NTRK2: variants seen among roughly 807,000 people sequenced by gnomAD.
NTRK2 encodes the protein BDNF/NT-3 growth factors receptor.
A neutral mutation model predicts 94.5 loss-of-function variants in NTRK2; 13 were observed. That is an observed-to-expected ratio of 0.14 (90% CI 0.09 to 0.22). The LOEUF (loss-of-function observed/expected upper bound fraction) is 0.22. NTRK2 is among the 10% of genes least tolerant of loss of function. NTRK2 has a pLI of 1.00. For missense variants in NTRK2, 639 were observed against 1,071.2 expected, an observed-to-expected ratio of 0.60 and a Z score of 5.63; for synonymous variants, 372 against 407.4, an observed-to-expected ratio of 0.91 and a Z score of 1.05.
At chr9:84,844,833 A>G (rs2074384302) in intron 12 of NTRK2, among the ~76,000 whole-genome samples, 1 of 152,092 alleles carries the variant, frequency 6.6e-6, no homozygotes, top group African/African-American at 2.4e-5. Flanking sequence ...GAGGAAGAGT[A>G]AATACTAAAG....
intron 12 of NTRK2, among the ~76,000 whole-genome samples, chr9:84,850,213 A>G (rs1019369789): frequency 4.6e-5 from 7 of 152,038 alleles, no homozygotes; most frequent in Non-Finnish European, 5.9e-5. Flanking sequence ...GGTGGGGAAA[A>G]AAAAAACAAA....
At chr9:84,985,913 G>A (rs1828234653) in intron 17 of NTRK2, among the ~76,000 whole-genome samples, 1 of 152,190 alleles carries the variant, frequency 6.6e-6, no homozygotes. Context: ...AGGAAATGAG[G>A]AGAGGGTGTG....
intron 15 of NTRK2, among the ~76,000 whole-genome samples, chr9:84,944,538 C>G (rs2078530516): frequency 6.6e-6 from 1 of 152,228 alleles, no homozygotes; most frequent in Non-Finnish European, 1.5e-5. Context: ...AGTACCTTTT[C>G]CAACTCACTG....
chr9:84,858,827 T>G (rs1364824433), intron 12 of NTRK2, among the ~76,000 whole-genome samples: 1 of 152,180 alleles, frequency 6.6e-6, no homozygotes, highest in East Asian at 1.9e-4. Flanking sequence ...TAAAATTCAG[T>G]TAATTTTGGT....
At chr9:84,675,297 T>TTC (rs1177708455) in intron 2 of NTRK2, among the ~76,000 whole-genome samples, 2 of 150,938 alleles carry the variant, frequency 1.3e-5, no homozygotes, top group Non-Finnish European at 3.0e-5. Context: ...TGAATTTCTT[T>TTC]TCTCTTCTCC....
chr9:84,713,662 A>G (rs2061541703), intron 6 of NTRK2, among the ~76,000 whole-genome samples: 1 of 152,074 alleles, frequency 6.6e-6, no homozygotes, highest in African/African-American at 2.4e-5. Flanking sequence ...TCTCAGTGGA[A>G]TTTGCTGAGT....
At chr9:84,872,039 T>G in intron 14 of NTRK2, 1 of 1,440,750 alleles carries the variant, frequency 6.9e-7, no homozygotes, top group South Asian at 1.4e-5. Flanking sequence ...CTATGCCACT[T>G]TAACTATAGA....
At chr9:85,006,500 T>C (rs1325637700) in intron 17 of NTRK2, among the ~76,000 whole-genome samples, 1 of 149,936 alleles carries the variant, frequency 6.7e-6, no homozygotes, top group Non-Finnish European at 1.5e-5. Flanking sequence ...CTCCTCACCC[T>C]GGGGAAATTC....
rs573551564 is a variant in NTRK2, at chr9:84,972,841, T to C, written c.2172+17324T>C. Among the ~76,000 whole-genome samples, 6 of 152,362 alleles carry C rather than the reference T, an allele frequency of 3.9e-5. No individual in the cohort carries two copies. In the South Asian group the frequency reaches 1.0e-3, roughly 26 times the overall value. On this transcript the variant is annotated intron_variant, in intron 17 of 18. Coordinates refer to ENST00000277120, the MANE Select transcript of NTRK2 (RefSeq NM_006180.6). Reference sequence around the variant, plus strand: ...AAATAAGCAATCATATTCTCATTTCTATACATTTATTTTAGCCCCCAAAAA... The same window carrying C: ...AAATAAGCAATCATATTCTCATTTCCATACATTTATTTTAGCCCCCAAAAA...
chr9:84,697,745 ATGCGG>A (rs2060474498), intron 2 of NTRK2, among the ~76,000 whole-genome samples: 2 of 152,186 alleles, frequency 1.3e-5, no homozygotes. Context: ...TTCTGTTTCC[ATGCGG>A]AGGCTGTGGA....
intron 12 of NTRK2, among the ~76,000 whole-genome samples, chr9:84,782,377 C>T (rs1443913415): frequency 6.6e-6 from 1 of 152,158 alleles, no homozygotes; most frequent in East Asian, 1.9e-4. Flanking sequence ...GCTGTATCCC[C>T]TCTATAGGAA....
In NTRK2 at chr9:85,022,919, C is replaced by G; in HGVS notation, c.*1482C>G. The G allele has an allele frequency of 4.3e-6, 1 of 233,248 alleles. No individual in the cohort carries two copies. The highest frequency in any genetic ancestry group is 8.5e-6 in the Non-Finnish European group (1 of 118,050). 14.4% of individuals were successfully genotyped at this position (233,248 alleles called of 1,614,324 possible). On this transcript the variant is annotated 3_prime_UTR_variant, in exon 19 of 19. Coordinates refer to ENST00000277120, the MANE Select transcript of NTRK2 (RefSeq NM_006180.6). ...AACCTCACCCTGAGGGCATCACATGCACTCATGTTCAGTGTACACAGGTCA... is the reference window on the plus strand; with the variant it reads ...AACCTCACCCTGAGGGCATCACATGGACTCATGTTCAGTGTACACAGGTCA...
At chr9:84,854,499 T>TA (rs1322744181) in intron 12 of NTRK2, among the ~76,000 whole-genome samples, 4 of 151,894 alleles carry the variant, frequency 2.6e-5, no homozygotes, top group Admixed American at 6.6e-5. Context: ...AACAAATCAA[T>TA]AAAAAAGGTC....
chr9:84,806,810 A>C (rs998645772), intron 12 of NTRK2, among the ~76,000 whole-genome samples: 14 of 152,266 alleles, frequency 9.2e-5, no homozygotes, highest in Admixed American at 7.9e-4. Flanking sequence ...TCACTTTGTG[A>C]TGGAAAGTTT....
At chr9:84,679,989 C>T (rs747072082) in intron 2 of NTRK2, among the ~76,000 whole-genome samples, 4 of 152,110 alleles carry the variant, frequency 2.6e-5, no homozygotes, top group Non-Finnish European at 5.9e-5. Context: ...GAGGCTCTGG[C>T]AAGTTTTCTA....
intron 14 of NTRK2, among the ~76,000 whole-genome samples, chr9:84,926,169 C>CTTGCTTGCTTTCTTT: frequency 2.6e-5 from 1 of 38,566 alleles, no homozygotes; most frequent in African/African-American, 9.2e-5. Context: ...TTCCTTCCTT[C>CTTGCTTGCTTTCTTT]CTTTCTTTCT....
At chr9:84,729,586 T>C (rs1297330110) in intron 9 of NTRK2, among the ~76,000 whole-genome samples, 1 of 152,240 alleles carries the variant, frequency 6.6e-6, no homozygotes, top group Non-Finnish European at 1.5e-5. Context: ...AAAGATAGTA[T>C]AGAGCGTTCA....
chr9:84,726,467 G>A (rs7868341), intron 8 of NTRK2, among the ~76,000 whole-genome samples: 11,533 of 152,174 alleles, frequency 0.076, 1,420 homozygotes, highest in African/African-American at 0.26. Context: ...AGCCTGGGTG[G>A]CAGAGTGAGA....
In NTRK2 at chr9:85,020,296, C is replaced by T; in HGVS notation, c.2263C>T (p.Leu755=). ...CACGACGGAAAGCGACGTCTGGAGC[C>T]TGGGGGTCGTGTTGTGGGAGATTTT... ...KFTTESDVWS[L]GVVLWEIFTY... is the part of the protein sequence containing the mutation. The change falls in exon 18 of 19, where the codon CTG becomes TTG. Residue 755 remains leucine, a synonymous_variant. Transcript: ENST00000277120. 2 of 1,614,116 alleles carry T rather than the reference C, an allele frequency of 1.2e-6. No homozygotes were observed. Among genetic ancestry groups the T allele is most frequent in the Non-Finnish European group, 1.7e-6 (2 of 1,180,010 alleles).
Sources: allele counts gnomAD v4.1 joint callset (sites outside exome capture counted in the v4.1 genomes callset), GRCh38; gene constraint gnomAD v4.1.1; transcripts MANE v1.5; gene names NCBI Gene and HGNC (gene_info 2026-07-23, HGNC 2026-07-21).